SLC24A4: variants seen among roughly 807,000 people sequenced by gnomAD.
SLC24A4 encodes the protein solute carrier family 24 member 4, also known as sodium/potassium/calcium exchanger 4.
A neutral mutation model predicts 79.0 loss-of-function variants in SLC24A4; 53 were observed. The observed-to-expected ratio is 0.67, with a 90% confidence interval of 0.54 to 0.84. The LOEUF is 0.84. SLC24A4 is among the 40% of genes least tolerant of loss of function. The pLI, the probability that SLC24A4 is intolerant of heterozygous loss-of-function variation, is 0.00. For missense variants in SLC24A4, 731 were observed against 822.0 expected (o/e 0.89, Z 1.35); for synonymous variants, 323 against 323.8 (o/e 1.00, Z 0.03).
intron 2 of SLC24A4, among the ~76,000 whole-genome samples, chr14:92,410,331 C>T (rs894302686): frequency 3.9e-5 from 6 of 152,250 alleles, no homozygotes; most frequent in Non-Finnish European, 8.8e-5. Flanking sequence ...ACAGGTGTGC[C>T]ACCATGCCTG....
chr14:92,446,392 C>T (rs1892799790), intron 8 of SLC24A4, among the ~76,000 whole-genome samples: 1 of 152,178 alleles, frequency 6.6e-6, no homozygotes. Flanking sequence ...AGTGATCCAC[C>T]TGCCTTGGCC....
At chr14:92,456,749 T>C in intron 12 of SLC24A4, 141 bp downstream of exon 12, 2 of 863,210 alleles carry the variant, frequency 2.3e-6, no homozygotes, top group South Asian at 3.3e-5. Flanking sequence ...GTCACTGGAA[T>C]GCTTAGGAGG....
At chr14:92,484,611 C>G in intron 13 of SLC24A4, 1 of 985,416 alleles carries the variant, frequency 1.0e-6, no homozygotes, top group Non-Finnish European at 1.2e-6. Context: ...GCCTCCAGGA[C>G]CCCAGCATCT....
chr14:92,328,709 A>G (rs1885292879), intron 2 of SLC24A4, among the ~76,000 whole-genome samples: 1 of 152,258 alleles, frequency 6.6e-6, no homozygotes, highest in African/African-American at 2.4e-5. Flanking sequence ...CAGCTTCTGC[A>G]GAAGCCAGGA....
chr14:92,342,837 C>A (rs563444453), intron 2 of SLC24A4, among the ~76,000 whole-genome samples: 1 of 152,336 alleles, frequency 6.6e-6, no homozygotes, highest in East Asian at 1.9e-4. Context: ...TTGGATCTGG[C>A]TCCTCTGTGC....
At chr14:92,449,300 AC>A (rs1893001121) in intron 10 of SLC24A4, 84 bp downstream of exon 10, 2 of 1,279,462 alleles carry the variant, frequency 1.6e-6, no homozygotes, top group East Asian at 2.4e-5. Context: ...ACACACACAC[AC>A]ACACACACAC....
At chr14:92,472,261 A>G (rs962987583) in intron 12 of SLC24A4, among the ~76,000 whole-genome samples, 2 of 151,968 alleles carry the variant, frequency 1.3e-5, no homozygotes, top group African/African-American at 4.8e-5. Flanking sequence ...TAAATTTTTC[A>G]TTTCCATAAG....
At chr14:92,379,830 C>A (rs2141707722) in intron 2 of SLC24A4, among the ~76,000 whole-genome samples, 1 of 152,262 alleles carries the variant, frequency 6.6e-6, no homozygotes, top group East Asian at 1.9e-4. Context: ...TTCTGCCCCG[C>A]CAGCACACCC....
At chr14:92,345,819 T>C (rs1016246135) in intron 2 of SLC24A4, among the ~76,000 whole-genome samples, 1 of 152,216 alleles carries the variant, frequency 6.6e-6, no homozygotes, top group Non-Finnish European at 1.5e-5. Flanking sequence ...TGCCAGGCAC[T>C]GGGAGACAGC....
rs771811091 is a variant in SLC24A4 at position 92,456,420 on chromosome 14, A to G, written c.1067A>G (p.Asn356Ser). 2 of 1,614,196 alleles carry G rather than the reference A, an allele frequency of 1.2e-6. No individual in the cohort carries two copies. The highest frequency in any genetic ancestry group is 1.7e-6 in the Non-Finnish European group (2 of 1,180,038). ...TCCACACAGCGGCAGAGACTGATCAACTCGGCCAATGGTGTGAGCAGTAAG... is the reference window on the plus strand; with the variant it reads ...TCCACACAGCGGCAGAGACTGATCAGCTCGGCCAATGGTGTGAGCAGTAAG... ...IIINERQRLI[N>S]SANGVSSKPL... Residue 356 changes from asparagine to serine, a missense_variant, in exon 12 of 17, where the codon AAC becomes AGC. Physicochemically the swap from Asn to Ser is conservative, Grantham distance 46. Transcript: ENST00000532405.
rs1028578690 is a variant in SLC24A4 at position 92,490,816 on chromosome 14, G to A, written c.1538-849G>A. On this transcript the variant is annotated intron_variant, in intron 14 of 16. Coordinates refer to ENST00000532405, the MANE Select transcript of SLC24A4 (RefSeq NM_153646.4). This position sits in a 1 kb window ranked among gnomAD's most constrained non-coding sequence, Gnocchi z 4.3. ...GGCCCGCATGCATCTGCTAGGCTTC[G>A]TTCCCACAAACGGGGTGCCGTAAAC... Among the ~76,000 whole-genome samples the A allele has an allele frequency of 5.3e-5, 8 of 152,202 alleles. No homozygotes were observed. The highest frequency in any genetic ancestry group is 1.0e-4 in the Non-Finnish European group (7 of 68,040).
At chr14:92,399,432 G>A (rs1889966959) in intron 2 of SLC24A4, among the ~76,000 whole-genome samples, 1 of 152,160 alleles carries the variant, frequency 6.6e-6, no homozygotes, top group African/African-American at 2.4e-5. Flanking sequence ...AGGAAAAGCT[G>A]TTGGATTTTC....
At chr14:92,367,310 A>G (rs1887903389) in intron 2 of SLC24A4, among the ~76,000 whole-genome samples, 1 of 152,228 alleles carries the variant, frequency 6.6e-6, no homozygotes, top group Non-Finnish European at 1.5e-5. Context: ...AACTGTGTGT[A>G]TAACTGTGTA....
intron 16 of SLC24A4, chr14:92,492,719 G>A (rs1056501618): frequency 2.8e-5 from 11 of 386,384 alleles, no homozygotes; most frequent in East Asian, 1.5e-4. Flanking sequence ...AGAAGAAATC[G>A]GGGCTCAGGG....
At chr14:92,485,624 G>A (rs767121232) in intron 13 of SLC24A4, among the ~76,000 whole-genome samples, 9 of 152,016 alleles carry the variant, frequency 5.9e-5, no homozygotes, top group East Asian at 5.8e-4. Flanking sequence ...AGGATCCAGC[G>A]ATTTCTCTTA....
intron 2 of SLC24A4, among the ~76,000 whole-genome samples, chr14:92,368,660 C>T (rs570937569): frequency 6.6e-5 from 10 of 152,248 alleles, no homozygotes; most frequent in African/African-American, 2.2e-4. Context: ...AGCTGGAAAG[C>T]AGAAGTATGG....
intron 2 of SLC24A4, among the ~76,000 whole-genome samples, chr14:92,338,046 C>T (rs1885914193): frequency 6.6e-6 from 1 of 152,056 alleles, no homozygotes; most frequent in Non-Finnish European, 1.5e-5. Context: ...TCTTTGAGGA[C>T]AAGAATCTGT....
chr14:92,414,271 G>T (rs897285711), intron 2 of SLC24A4, among the ~76,000 whole-genome samples: 1 of 152,090 alleles, frequency 6.6e-6, no homozygotes, highest in Non-Finnish European at 1.5e-5. Context: ...CCCCTCCCCC[G>T]GTTGTGACAA....
At chr14:92,397,998 A>G (rs957065362) in intron 2 of SLC24A4, among the ~76,000 whole-genome samples, 10 of 152,174 alleles carry the variant, frequency 6.6e-5, no homozygotes, top group Non-Finnish European at 1.2e-4. Flanking sequence ...CCACGCAACC[A>G]ATAACGAGAC....
Sources: gnomAD v4.1 joint callset for allele counts (sites outside exome capture counted in the v4.1 genomes callset) on GRCh38, gnomAD v4.1.1 for gene constraint, Gnocchi (gnomAD v3.1) non-coding constraint, MANE v1.5 for transcripts, NCBI Gene and HGNC (gene_info 2026-07-23, HGNC 2026-07-21) for gene names.